The following HEXB variants were observed in gnomAD, a reference collection of about 807,000 sequenced individuals.
HEXB encodes the protein beta-hexosaminidase subunit beta.
Under a neutral mutation model 71.2 loss-of-function variants are expected in HEXB, and 51 were observed. The ratio of observed to expected loss-of-function variants is 0.72; its 90% CI spans 0.57 to 0.90. The LOEUF (loss-of-function observed/expected upper bound fraction) is 0.90, where lower values mean the gene tolerates loss of function less well. Ranked by LOEUF, HEXB falls within the 40% of genes least tolerant of loss-of-function variation. The pLI is 0.00. For synonymous variants in HEXB, 266 were observed against 249.3 expected (o/e 1.07, Z -0.63); for missense variants, 617 against 677.0 (o/e 0.91, Z 0.98).
chr5:74,688,660 A>G (rs1748927350), intron 1 of HEXB, among the ~76,000 whole-genome samples: 1 of 152,230 alleles, frequency 6.6e-6, no homozygotes, highest in African/African-American at 2.4e-5. Context: ...AGTAAATTTT[A>G]AAGGCTCTGG....
chr5:74,685,190 T>G, upstream of HEXB: 1 of 1,422,114 alleles, frequency 7.0e-7, no homozygotes, highest in Non-Finnish European at 9.1e-7. Context: ...CTTCCTCTGA[T>G]CCGGGCCGGG....
At chr5:74,689,284 GCTAAAATCCTT>G (rs1266013883) in intron 1 of HEXB, 33 bp from the exon 2 acceptor site, 1 of 1,533,502 alleles carries the variant, frequency 6.5e-7, no homozygotes, top group Admixed American at 1.7e-5. Flanking sequence ...TAAAAATTTG[GCTAAAATCCTT>G]CTAAAATGTG....
At chr5:74,682,524 T>C (rs1392384746), upstream of HEXB, among the ~76,000 whole-genome samples, 1 of 152,274 alleles carries the variant, frequency 6.6e-6, no homozygotes, top group African/African-American at 2.4e-5. Context: ...TTTATCTTAT[T>C]ATTTATCTGT....
At chr5:74,705,110 AAAG>A in intron 5 of HEXB, 106 bp from the exon 6 acceptor site, 3 of 668,160 alleles carry the variant, frequency 4.5e-6, no homozygotes, top group Admixed American at 2.4e-5. Flanking sequence ...AAAAAAAAAA[AAAG>A]TTTTAAAGGA....
Position 74,664,448 on chromosome 5 carries a change from A to AAAAAAAAAAAAAAC in HEXB, c.-377+23895_-377+23896insAAAAAAAACAAAAA, listed in dbSNP as rs756960235. On this transcript the variant is annotated intron_variant, in intron 1 of 13. Transcript: ENST00000511181. Reference sequence around the variant, plus strand: ...CTATCTCTAAAAAAAAAAAAAAAAAAAAAAACAGAGAGAGAGAGAATACTG... The same window carrying AAAAAAAAAAAAAAC: ...CTATCTCTAAAAAAAAAAAAAAAAAAAAAAAAAAAAAAACAAAAACAGAGAGAGAGAGAATACTG... Among the ~76,000 whole-genome samples the AAAAAAAAAAAAAAC allele has an allele frequency of 1.1e-3, 136 of 126,590 alleles. 8 individuals are homozygous for AAAAAAAAAAAAAAC. The highest frequency in any genetic ancestry group is 1.5e-3 in the Non-Finnish European group (93 of 60,294). 83.0% of individuals were successfully genotyped at this position (126,590 alleles called of 152,430 possible). A position where few individuals can be genotyped will look rare whatever the true frequency, so the allele number is the denominator to read the frequency against.
At chr5:74,663,229 T>C (rs755992845) in intron 1 of HEXB, among the ~76,000 whole-genome samples, 2 of 152,050 alleles carry the variant, frequency 1.3e-5, no homozygotes, top group Non-Finnish European at 1.5e-5. Context: ...TCGCTCTTGT[T>C]GCCCAGGCTG....
chr5:74,683,966 G>A (rs1004043646), upstream of HEXB, among the ~76,000 whole-genome samples: 5 of 151,538 alleles, frequency 3.3e-5, no homozygotes, highest in Non-Finnish European at 5.9e-5. Flanking sequence ...GATTACAGGC[G>A]CCCGCCACCA....
intron 1 of HEXB, among the ~76,000 whole-genome samples, chr5:74,689,030 T>G (rs980680095): frequency 1.4e-5 from 2 of 147,200 alleles, no homozygotes; most frequent in African/African-American, 5.2e-5. Context: ...ATTACCATGA[T>G]GGTTTCATTA....
At chr5:74,680,690 A>G (rs1165751167), upstream of HEXB, among the ~76,000 whole-genome samples, 1 of 152,228 alleles carries the variant, frequency 6.6e-6, no homozygotes, top group Non-Finnish European at 1.5e-5. Flanking sequence ...AAAGCAAGGG[A>G]AAAATAACAG....
At chr5:74,665,487 A>G (rs1260656891) in intron 1 of HEXB, among the ~76,000 whole-genome samples, 1 of 152,046 alleles carries the variant, frequency 6.6e-6, no homozygotes, top group African/African-American at 2.4e-5. Flanking sequence ...TGTTCTAGGC[A>G]TCTCCCATGC....
At chr5:74,688,582 A>G (rs957286931) in intron 1 of HEXB, among the ~76,000 whole-genome samples, 1 of 152,098 alleles carries the variant, frequency 6.6e-6, no homozygotes, top group Admixed American at 6.5e-5. Flanking sequence ...TGACCTCGTG[A>G]TCCTCCCGCC....
At chr5:74,707,457 G>A (rs1204417795) in intron 6 of HEXB, among the ~76,000 whole-genome samples, 2 of 152,214 alleles carry the variant, frequency 1.3e-5, no homozygotes, top group Non-Finnish European at 2.9e-5. Context: ...ACTTTGATGA[G>A]TTGAGAGAAG....
intron 6 of HEXB, among the ~76,000 whole-genome samples, chr5:74,706,603 C>G (rs990103863): frequency 6.6e-6 from 1 of 152,202 alleles, no homozygotes; most frequent in African/African-American, 2.4e-5. Context: ...GAATACTGTG[C>G]TTTTCCGACG....
intron 1 of HEXB, among the ~76,000 whole-genome samples, chr5:74,658,183 G>C (rs887378717): frequency 1.3e-5 from 2 of 152,158 alleles, no homozygotes; most frequent in East Asian, 3.8e-4. Context: ...AGCATTAGGA[G>C]GGCATTCCTG....
intron 1 of HEXB, among the ~76,000 whole-genome samples, chr5:74,653,327 A>T (rs1250371690): frequency 6.6e-6 from 1 of 152,270 alleles, no homozygotes; most frequent in Non-Finnish European, 1.5e-5. Flanking sequence ...CTCCTGGATC[A>T]TTCAGTGAAT....
chr5:74,718,423 C>A, intron 10 of HEXB, 60 bp downstream of exon 10: 1 of 1,274,698 alleles, frequency 7.8e-7, no homozygotes. Flanking sequence ...TTTCTTGGGG[C>A]AACTGGGAAT....
intron 6 of HEXB, among the ~76,000 whole-genome samples, chr5:74,711,008 G>A (rs1245216489): frequency 1.3e-5 from 2 of 151,412 alleles, no homozygotes; most frequent in African/African-American, 4.9e-5. Context: ...CAAAGCTGGA[G>A]GCATCACGCT....
At position 74,661,011 on chromosome 5, in the gene HEXB, TGAGA is replaced by T. The variant is rs141154481; in HGVS notation, c.-377+20470_-377+20473del. On this transcript the variant is annotated intron_variant, in intron 1 of 13. Coordinates refer to the HEXB transcript ENST00000511181. Reference sequence around the variant, plus strand: ...TGGCAACAAGAAATCCATGGGTCAGTGAGAGAGAGAGAGAGAGAGATAGAGAGAG... The same window carrying T: ...TGGCAACAAGAAATCCATGGGTCAGTGAGAGAGAGAGAGAGATAGAGAGAG... Among the ~76,000 whole-genome samples, 20 of 148,768 alleles carry T rather than the reference TGAGA, an allele frequency of 1.3e-4. No homozygotes were observed. The East Asian group carries it at 1.8e-3, about 13-fold the overall frequency.
chr5:74,664,050 G>A (rs1367576962), intron 1 of HEXB, among the ~76,000 whole-genome samples: 1 of 152,132 alleles, frequency 6.6e-6, no homozygotes, highest in East Asian at 1.9e-4. Flanking sequence ...GAGGTCAGGA[G>A]TTTGTGACCA....
Sources: allele counts gnomAD v4.1 joint callset (sites outside exome capture counted in the v4.1 genomes callset), GRCh38; gene constraint gnomAD v4.1.1; transcripts MANE v1.5; gene names NCBI Gene and HGNC (gene_info 2026-07-23, HGNC 2026-07-21).